The following STARD13 variants were observed in gnomAD, a reference collection of about 807,000 sequenced individuals.
The protein encoded by STARD13 is StAR related lipid transfer domain containing 13, also known as stAR-related lipid transfer protein 13.
A neutral mutation model predicts 106.4 loss-of-function variants in STARD13; 62 were observed. The ratio of observed to expected loss-of-function variants is 0.58; its 90% confidence interval spans 0.48 to 0.72. STARD13 has a LOEUF of 0.72. STARD13 is among the 30% of genes least tolerant of loss of function. The probability of loss-of-function intolerance (pLI) is 0.00; values close to 1 mark genes in which losing one functional copy is unlikely to be tolerated. For synonymous variants in STARD13, 565 were observed against 553.0 expected (o/e 1.02, Z -0.31); for missense variants, 1,387 against 1,424.0 (o/e 0.97, Z 0.42).
At chr13:33,231,718 A>T (rs1888932444) in intron 1 of STARD13, among the ~76,000 whole-genome samples, 1 of 152,214 alleles carries the variant, frequency 6.6e-6, no homozygotes, top group Non-Finnish European at 1.5e-5. Context: ...CTGGGGCACA[A>T]ACTGCAGTCT....
chr13:33,227,864 A>T (rs922801593), intron 1 of STARD13, among the ~76,000 whole-genome samples: 1 of 152,174 alleles, frequency 6.6e-6, no homozygotes, highest in African/African-American at 2.4e-5. Context: ...TAAAGTGATG[A>T]GGAGAATACT....
chr13:33,246,114 T>G (rs2138267448), intron 1 of STARD13, among the ~76,000 whole-genome samples: 1 of 152,364 alleles, frequency 6.6e-6, no homozygotes, highest in South Asian at 2.1e-4. Context: ...ATTCATTTTT[T>G]AGTGTGTGGG....
intron 1 of STARD13, among the ~76,000 whole-genome samples, chr13:33,196,136 G>A (rs1886599898): frequency 6.6e-6 from 1 of 152,320 alleles, no homozygotes; most frequent in South Asian, 2.1e-4. Context: ...TGTAATCTCA[G>A]CACTTTGGGA....
the STARD13 span, among the ~76,000 whole-genome samples, chr13:33,665,032 C>T: frequency 6.6e-6 from 1 of 152,140 alleles, no homozygotes; most frequent in African/African-American, 2.4e-5. Context: ...GTCACAATGA[C>T]GAGAACGAAG....
chr13:33,223,668 T>TAC (rs1281730236), intron 1 of STARD13, among the ~76,000 whole-genome samples: 1 of 151,772 alleles, frequency 6.6e-6, no homozygotes, highest in African/African-American at 2.4e-5. Flanking sequence ...TCAATATATA[T>TAC]ATATATATAA....
At chr13:33,257,129 A>T (rs1056245613) in intron 1 of STARD13, among the ~76,000 whole-genome samples, 1 of 152,216 alleles carries the variant, frequency 6.6e-6, no homozygotes, top group African/African-American at 2.4e-5. Context: ...AAGGATGTTC[A>T]ATTAAGGCCA....
chr13:33,462,083 C>T, the STARD13 span, among the ~76,000 whole-genome samples: 5 of 152,186 alleles, frequency 3.3e-5, no homozygotes, highest in African/African-American at 7.2e-5. Flanking sequence ...CCCTGCACTC[C>T]GCCCCATCTG....
At chr13:33,518,033 C>T in the STARD13 span, among the ~76,000 whole-genome samples, 2 of 151,764 alleles carry the variant, frequency 1.3e-5, no homozygotes, top group East Asian at 1.9e-4. Context: ...ACAACAACAA[C>T]AACAATCTTG....
chr13:33,223,653 C>T (rs1192650463), intron 1 of STARD13, among the ~76,000 whole-genome samples: 1 of 146,840 alleles, frequency 6.8e-6, no homozygotes, highest in Non-Finnish European at 1.5e-5. Flanking sequence ...GAGCAAAACT[C>T]CATCTCAATA....
chr13:33,424,352 A>T, the STARD13 span, among the ~76,000 whole-genome samples: 2 of 152,192 alleles, frequency 1.3e-5, no homozygotes, highest in Non-Finnish European at 2.9e-5. Context: ...GGTCTCAAAG[A>T]CAGTGCTCTT....
intron 1 of STARD13, among the ~76,000 whole-genome samples, chr13:33,194,608 T>C (rs1249950475): frequency 6.6e-6 from 1 of 152,246 alleles, no homozygotes; most frequent in East Asian, 1.9e-4. Flanking sequence ...TAATTTGTCA[T>C]GTTTTTTAAT....
At chr13:33,279,657 G>A (rs988061160) in intron 1 of STARD13, 1 of 152,212 alleles carries the variant, frequency 6.6e-6, no homozygotes, top group African/African-American at 2.4e-5. Flanking sequence ...TGGCCAATGT[G>A]TGAGTTATAA....
At chr13:33,263,925 A>G (rs959159616) in intron 1 of STARD13, among the ~76,000 whole-genome samples, 1 of 152,214 alleles carries the variant, frequency 6.6e-6, no homozygotes. Context: ...CTTTATGGCT[A>G]TGTTGACTAA....
chr13:33,388,305 T>C, the STARD13 span, among the ~76,000 whole-genome samples: 1 of 152,192 alleles, frequency 6.6e-6, no homozygotes, highest in African/African-American at 2.4e-5. Context: ...TTAGAGCAAG[T>C]AGCCAGAGAT....
chr13:33,625,757 G>A, the STARD13 span, among the ~76,000 whole-genome samples: 1 of 151,234 alleles, frequency 6.6e-6, no homozygotes, highest in African/African-American at 2.4e-5. Context: ...GCTAGAATGC[G>A]GTGGCACCAT....
intron 1 of STARD13, among the ~76,000 whole-genome samples, chr13:33,293,634 A>G (rs1483425294): frequency 6.6e-6 from 1 of 152,182 alleles, no homozygotes; most frequent in Non-Finnish European, 1.5e-5. Context: ...GCCAAAGGAG[A>G]TTAACGTTTG....
intron 1 of STARD13, among the ~76,000 whole-genome samples, chr13:33,232,804 C>G (rs954703531): frequency 1.3e-5 from 2 of 152,212 alleles, no homozygotes; most frequent in African/African-American, 4.8e-5. Context: ...ATCACTACAT[C>G]CAGACAATGA....
the STARD13 span, among the ~76,000 whole-genome samples, chr13:33,454,172 C>T: frequency 6.6e-6 from 1 of 152,196 alleles, no homozygotes; most frequent in Non-Finnish European, 1.5e-5. Context: ...GCAGGCTGCT[C>T]CTGCCCAGTG....
chr13:33,138,788 C>T (rs1420525726), intron 4 of STARD13: 6 of 454,792 alleles, frequency 1.3e-5, no homozygotes, highest in Middle Eastern at 1.0e-3. Context: ...CAGCTAAGCT[C>T]GAGAATACTC....
Sources: gnomAD v4.1 joint callset for allele counts (sites outside exome capture counted in the v4.1 genomes callset) on GRCh38, gnomAD v4.1.1 for gene constraint, MANE v1.5 for transcripts, NCBI Gene and HGNC (gene_info 2026-07-23, HGNC 2026-07-21) for gene names.